ZNF831: variants seen among roughly 807,000 people sequenced by gnomAD.
ZNF831 encodes zinc finger protein 831.
A neutral mutation model predicts 95.8 loss-of-function variants in ZNF831; 59 were observed. The observed-to-expected ratio is 0.62, with a 90% CI of 0.50 to 0.77. The LOEUF is 0.77. ZNF831 is among the 30% of genes least tolerant of loss of function. ZNF831 has a pLI of 0.00. For missense variants in ZNF831, 2,205 were observed against 2,164.0 expected, an observed-to-expected ratio of 1.02 and a Z score of -0.38; for synonymous variants, 961 against 925.5, an observed-to-expected ratio of 1.04 and a Z score of -0.70.
At chr20:59,145,590 C>A (rs565036365) in intron 1 of ZNF831, among the ~76,000 whole-genome samples, 19 of 152,314 alleles carry the variant, frequency 1.2e-4, no homozygotes, top group African/African-American at 4.6e-4. Context: ...GGACACCTCA[C>A]CCCACTTTGT....
chr20:59,173,997 T>C (rs1370580030), intron 1 of ZNF831, among the ~76,000 whole-genome samples: 1 of 152,192 alleles, frequency 6.6e-6, no homozygotes, highest in Non-Finnish European at 1.5e-5. Context: ...AGTTGGCTGA[T>C]TCAGCTAGAC....
chr20:59,132,753 C>T (rs1238023453), intron 1 of ZNF831, among the ~76,000 whole-genome samples: 1 of 152,240 alleles, frequency 6.6e-6, no homozygotes, highest in Non-Finnish European at 1.5e-5. Context: ...CTTTCAACTT[C>T]ATCTCAAGCA....
intron 3 of ZNF831, among the ~76,000 whole-genome samples, chr20:59,199,073 ATC>A (rs1984337256): frequency 0.015 from 5 of 342 alleles, no homozygotes; most frequent in African/African-American, 0.058. Flanking sequence ...CAACTTACAT[ATC>A]TATCTATCTA....
intron 1 of ZNF831, among the ~76,000 whole-genome samples, chr20:59,175,353 A>G (rs1157069522): frequency 6.6e-6 from 1 of 151,936 alleles, no homozygotes; most frequent in Non-Finnish European, 1.5e-5. Context: ...TCTCCTTCCC[A>G]GGCTCTGATG....
intron 4 of ZNF831, among the ~76,000 whole-genome samples, chr20:59,225,770 G>A (rs556707441): frequency 5.9e-5 from 9 of 152,290 alleles, no homozygotes; most frequent in African/African-American, 2.2e-4. Context: ...GGGCATCAGG[G>A]AAATCGTGCA....
intron 4 of ZNF831, 122 bp from the exon 5 acceptor site, chr20:59,252,856 C>G: frequency 2.0e-6 from 2 of 1,000,950 alleles, no homozygotes; most frequent in Non-Finnish European, 2.8e-6. Flanking sequence ...TTGCACACAC[C>G]CTGTGAGATG....
intron 1 of ZNF831, among the ~76,000 whole-genome samples, chr20:59,179,790 T>C (rs759036830): frequency 6.6e-6 from 1 of 152,164 alleles, no homozygotes; most frequent in Non-Finnish European, 1.5e-5. Flanking sequence ...CTTAATGATA[T>C]CTGCAAAGAC....
chr20:59,204,715 A>C (rs1601394922), intron 3 of ZNF831, among the ~76,000 whole-genome samples: 1 of 151,894 alleles, frequency 6.6e-6, no homozygotes, highest in South Asian at 2.1e-4. Flanking sequence ...CGAGTGTATC[A>C]CCCTCACAGC....
intron 1 of ZNF831, among the ~76,000 whole-genome samples, chr20:59,145,938 A>G (rs1470409036): frequency 6.6e-6 from 1 of 151,748 alleles, no homozygotes. Context: ...AAGAGAAAGG[A>G]GAACAGAAGT....
Position 59,194,051 on chromosome 20 carries a change from C to T in ZNF831, c.3032C>T (p.Ser1011Phe). 1 of 1,529,254 alleles carries T rather than the reference C, an allele frequency of 6.5e-7. No homozygotes were observed. The highest frequency in any genetic ancestry group is 8.8e-7 in the Non-Finnish European group (1 of 1,140,402). The allele number at this position is 1,529,254 out of a possible 1,614,324, so 94.7% of individuals were successfully genotyped here. A position where few individuals can be genotyped will look rare whatever the true frequency, so the allele number is the denominator to read the frequency against. ...AGCATCCTGGAGGACCCCAGCTGTT[C>T]CAGGCCACAGGATGGGAGAAAAGGG... Reference protein sequence around the residue: ...ADSILEDPSCSRPQDGRKGAQ... With the variant: ...ADSILEDPSCFRPQDGRKGAQ... Residue 1011 changes from serine to phenylalanine, a missense_variant, in exon 2 of 6, where the codon TCC becomes TTC. Ser to Phe is a radical substitution (Grantham distance 155). Transcript: ENST00000371030.
At chr20:59,205,616 AG>A (rs1188314097) in intron 3 of ZNF831, among the ~76,000 whole-genome samples, 1 of 152,242 alleles carries the variant, frequency 6.6e-6, no homozygotes, top group African/African-American at 2.4e-5. Flanking sequence ...CCTGGTGATT[AG>A]GGGACTGCGG....
intron 4 of ZNF831, among the ~76,000 whole-genome samples, chr20:59,210,832 A>G (rs1031114272): frequency 2.0e-5 from 3 of 152,198 alleles, no homozygotes; most frequent in African/African-American, 4.8e-5. Flanking sequence ...GGGGGCACCA[A>G]TGAATGGTGA....
Position 59,169,563 on chromosome 20 carries a change from C to T in ZNF831, c.-37+5356C>T, listed in dbSNP as rs373437200. Among the ~76,000 whole-genome samples, 769 of 152,164 alleles carry T rather than the reference C, an allele frequency of 5.1e-3. 2 individuals carry two copies. Among genetic ancestry groups the T allele is most frequent in the Middle Eastern group, 0.017 (5 of 294 alleles). ...GGTGGATCACTTGAGGCCAGGAGTT[C>T]GAAACCAGCCTGGCCAACGTGGTGA... On this transcript the variant is annotated intron_variant, in intron 1 of 5. Coordinates refer to ENST00000371030, the MANE Select transcript of ZNF831 (RefSeq NM_178457.3). This position sits in a 1 kb window ranked among gnomAD's most constrained non-coding sequence, Gnocchi z 4.1.
chr20:59,149,877 G>A (rs759613981), intron 2 of ZNF831, among the ~76,000 whole-genome samples: 3 of 152,238 alleles, frequency 2.0e-5, no homozygotes, highest in Non-Finnish European at 4.4e-5. Flanking sequence ...AGGCCCTGAG[G>A]GGGGCTGTCG....
At chr20:59,171,059 G>C (rs1292302122) in intron 1 of ZNF831, among the ~76,000 whole-genome samples, 1 of 152,224 alleles carries the variant, frequency 6.6e-6, no homozygotes, top group African/African-American at 2.4e-5. Context: ...CTGTGCAACA[G>C]CTTTGGTTTT....
chr20:59,134,513 C>A (rs1348470593), intron 1 of ZNF831, among the ~76,000 whole-genome samples: 1 of 152,186 alleles, frequency 6.6e-6, no homozygotes, highest in Non-Finnish European at 1.5e-5. Context: ...AAACTGTGGG[C>A]TTTCTCTTTA....
At chr20:59,144,455 G>A (rs571238042) in intron 1 of ZNF831, among the ~76,000 whole-genome samples, 11 of 152,224 alleles carry the variant, frequency 7.2e-5, no homozygotes, top group African/African-American at 2.2e-4. Flanking sequence ...GCTTCTACCC[G>A]CTAGAGGCCT....
At chr20:59,163,728 TC>T (rs569295983), upstream of ZNF831, among the ~76,000 whole-genome samples, 657 of 149,440 alleles carry the variant, frequency 4.4e-3, 4 homozygotes, top group African/African-American at 0.015. Context: ...TTTTTTTTTT[TC>T]GTGTCTGCTT....
intron 1 of ZNF831, among the ~76,000 whole-genome samples, chr20:59,168,011 G>A (rs1366376460): frequency 6.6e-6 from 1 of 152,048 alleles, no homozygotes; most frequent in Admixed American, 6.5e-5. Context: ...AAGTTATCAA[G>A]TTAGGTAGAC....
Sources: allele counts gnomAD v4.1 joint callset (sites outside exome capture counted in the v4.1 genomes callset), GRCh38; gene constraint gnomAD v4.1.1; non-coding constraint Gnocchi (gnomAD v3.1); transcripts MANE v1.5; gene names NCBI Gene and HGNC (gene_info 2026-07-23, HGNC 2026-07-21).